TFB1M: variants seen among roughly 807,000 people sequenced by gnomAD.
TFB1M encodes dimethyladenosine transferase 1, mitochondrial.
A neutral mutation model predicts 31.1 loss-of-function variants in TFB1M; 27 were observed. The ratio of observed to expected loss-of-function variants is 0.87; its 90% confidence interval spans 0.64 to 1.20. The LOEUF is 1.20. Among genes scored for constraint, TFB1M ranks in the 50% most tolerant of loss-of-function variants. The pLI, the probability that TFB1M is intolerant of heterozygous loss-of-function variation, is 0.00. For synonymous variants in TFB1M, 166 were observed against 151.8 expected, an observed-to-expected ratio of 1.09 and a Z score of -0.69; for missense variants, 394 against 418.7, an observed-to-expected ratio of 0.94 and a Z score of 0.51.
In TFB1M at chr6:155,256,837, GAGC is replaced by G. The variant is rs547753219; in HGVS notation, c.*996_*998del. On this transcript the variant is annotated 3_prime_UTR_variant, in exon 7 of 7. Transcript: ENST00000367166. ...GGACCCAGACGTTCACCCCGAGGCT[GAGC>G]AGCAGCCTGGCCCGGAGTCGGGTGA... 2.0e-4 allele frequency: 316 copies of G among 1,614,228 alleles called. 1 individual carries two copies. The African/African-American group carries it at 3.8e-3, about 20-fold the overall frequency.
At chr6:155,252,058 A>G (rs1783695610), downstream of TFB1M, 2 of 1,430,004 alleles carry the variant, frequency 1.4e-6, no homozygotes, top group Non-Finnish European at 1.9e-6. Flanking sequence ...GTATCTTCCT[A>G]TTAACGTTGA....
At position 155,285,264 on chromosome 6, in the gene TFB1M, T is replaced by A. The variant is rs1470744381; in HGVS notation, c.560A>T (p.Asn187Ile). ...GCGACTACGCTGTTTGCTTCCTGTA[T>A]TGGCTGCAAGTCTCTAGAGAGAGAC... The part of the protein sequence containing the change: ...QKEVAERLAA[N>I]TGSKQRSRLS... The change falls in exon 5 of 7, where the codon AAT (asparagine) becomes ATT (isoleucine). Residue 187 changes from asparagine to isoleucine, a missense_variant. Physicochemically the swap from Asn to Ile is moderately radical, Grantham distance 149. Coordinates refer to ENST00000367166, the MANE Select transcript of TFB1M (RefSeq NM_016020.4). 1 of 1,614,022 alleles carries A rather than the reference T, an allele frequency of 6.2e-7. No homozygotes were observed. Among genetic ancestry groups the A allele is most frequent in the East Asian group, 2.2e-5 (1 of 44,862 alleles).
chr6:155,240,826 C>A, the TFB1M span: 4 of 1,047,418 alleles, frequency 3.8e-6, no homozygotes, highest in South Asian at 3.3e-5. Context: ...CAGGGGGGGA[C>A]ACCTGCTCCT....
Position 155,260,372 on chromosome 6 carries a change from G to C in TFB1M, c.695C>G (p.Pro232Arg). ...EVDVGVVHFT[P>R]LIQPKIEQPF... is the part of the protein sequence containing the mutation. ...CTGCTCTATCTTGGGCTGTATCAAG[G>C]GAGTGAAGTGCACCACGCCCACGTC... The change falls in exon 6 of 7, where the codon CCC becomes CGC. Residue 232 changes from proline (P) to arginine (R), a missense_variant. By Grantham distance (103) the Pro-to-Arg change is moderately radical (BLOSUM62 -2). Transcript: ENST00000367166. The C allele has an allele frequency of 1.2e-6, 2 of 1,614,168 alleles. No individual in the cohort carries two copies. The highest frequency in any genetic ancestry group is 2.2e-5 in the East Asian group (1 of 44,872).
At chr6:155,287,168 A>C (rs1463267608) in intron 4 of TFB1M, among the ~76,000 whole-genome samples, 2 of 152,146 alleles carry the variant, frequency 1.3e-5, no homozygotes, top group Non-Finnish European at 2.9e-5. Context: ...CAGCTATAGG[A>C]ACTTTCAGAT....
At chr6:155,247,452 C>G in the TFB1M span, among the ~76,000 whole-genome samples, 1 of 151,954 alleles carries the variant, frequency 6.6e-6, no homozygotes, top group Admixed American at 6.5e-5. Context: ...CCTCAGCCTC[C>G]TGAGTAGCTG....
downstream of TFB1M, chr6:155,253,752 G>T: frequency 2.0e-6 from 1 of 489,386 alleles, no homozygotes; most frequent in Non-Finnish European, 3.6e-6. Context: ...AGGCAGTTCA[G>T]ATGGAGGAAA....
intron 1 of TFB1M, chr6:155,314,029 C>G (rs758611334): frequency 8.0e-7 from 1 of 1,256,604 alleles, no homozygotes; most frequent in Non-Finnish European, 1.0e-6. Flanking sequence ...CCCATGAACC[C>G]TTCCTCCCCT....
chr6:155,261,486 G>A (rs1011299573), intron 5 of TFB1M, among the ~76,000 whole-genome samples: 2 of 152,210 alleles, frequency 1.3e-5, no homozygotes. Flanking sequence ...AGATGAAAAT[G>A]GGAGACTGGC....
chr6:155,233,258 A>G, the TFB1M span, among the ~76,000 whole-genome samples: 1 of 152,240 alleles, frequency 6.6e-6, no homozygotes, highest in African/African-American at 2.4e-5. Flanking sequence ...ATGTCTCTGA[A>G]TAAGACAAAA....
intron 4 of TFB1M, among the ~76,000 whole-genome samples, chr6:155,288,837 T>A (rs781123965): frequency 6.6e-6 from 1 of 152,238 alleles, no homozygotes; most frequent in Non-Finnish European, 1.5e-5. Flanking sequence ...AACTGAAATG[T>A]TCTATCAACC....
At chr6:155,275,815 G>A (rs1399594028) in intron 5 of TFB1M, 2 of 1,614,016 alleles carry the variant, frequency 1.2e-6, no homozygotes, top group East Asian at 4.5e-5. Context: ...ACTGGAAGGT[G>A]AATGTGGATG....
intron 4 of TFB1M, among the ~76,000 whole-genome samples, chr6:155,288,762 T>G (rs1776776909): frequency 6.6e-6 from 1 of 152,162 alleles, no homozygotes; most frequent in African/African-American, 2.4e-5. Context: ...CCCTAACTCA[T>G]TAAGGAAAAA....
downstream of TFB1M, among the ~76,000 whole-genome samples, chr6:155,252,361 C>G (rs560272348): frequency 6.6e-6 from 1 of 151,998 alleles, no homozygotes; most frequent in Non-Finnish European, 1.5e-5. Flanking sequence ...CCCAGCTACT[C>G]GGGAGGCTGA....
the TFB1M span, among the ~76,000 whole-genome samples, chr6:155,247,009 T>C: frequency 7.9e-5 from 12 of 152,238 alleles, no homozygotes; most frequent in Admixed American, 4.6e-4. Flanking sequence ...ACACCCTTCA[T>C]GGCACTCAGA....
intron 5 of TFB1M, among the ~76,000 whole-genome samples, chr6:155,261,678 C>T (rs1784400587): frequency 6.6e-6 from 1 of 152,162 alleles, no homozygotes; most frequent in South Asian, 2.1e-4. Flanking sequence ...CTTGCACCTC[C>T]CTATTTAAAC....
the TFB1M span, chr6:155,250,613 C>T: frequency 6.5e-7 from 1 of 1,535,986 alleles, no homozygotes; most frequent in South Asian, 1.2e-5. Context: ...TCTGGAAGAA[C>T]CACGGACACT....
chr6:155,312,370 C>T (rs1778053214), intron 1 of TFB1M, among the ~76,000 whole-genome samples: 2 of 152,188 alleles, frequency 1.3e-5, no homozygotes, highest in South Asian at 4.1e-4. Context: ...TAACCAAGGA[C>T]TCCTATCCCA....
rs116268446 is a variant in TFB1M, at chr6:155,256,583, T to A, written c.*1253A>T. On this transcript the variant is annotated 3_prime_UTR_variant, in exon 7 of 7. Transcript: ENST00000367166. ...TTGCTGGACTCTGACGAGGGCAGCT[T>A]GAGCAGCGGCACCCAGAGCAGCGGC... The A allele has an allele frequency of 0.01, 16,797 of 1,614,118 alleles. 302 individuals carry two copies. Among genetic ancestry groups the A allele is most frequent in the African/African-American group, 0.051 (3,833 of 75,002 alleles).
Sources: gnomAD v4.1 joint callset for allele counts (sites outside exome capture counted in the v4.1 genomes callset) on GRCh38, gnomAD v4.1.1 for gene constraint, MANE v1.5 for transcripts, NCBI Gene and HGNC (gene_info 2026-07-23, HGNC 2026-07-21) for gene names.